RBFOX1: variants seen among roughly 807,000 people sequenced by gnomAD.
RBFOX1 encodes RNA binding fox-1 homolog 1.
Under a neutral mutation model 57.7 loss-of-function variants are expected in RBFOX1, and 8 were observed. That is an observed-to-expected ratio of 0.14 (90% CI 0.08 to 0.25). RBFOX1 has a LOEUF of 0.25. Ranked by LOEUF, RBFOX1 falls within the 10% of genes least tolerant of loss-of-function variation. The pLI is 1.00. For synonymous variants in RBFOX1, 326 were observed against 222.4 expected (o/e 1.47, Z -4.15); for missense variants, 611 against 548.5 (o/e 1.11, Z -1.14).
rs541919787 is a variant in RBFOX1 at position 6,517,546 on chromosome 16, A to T, written c.-63-137057A>T. Among the ~76,000 whole-genome samples the T allele has an allele frequency of 7.2e-5, 11 of 152,122 alleles. No homozygotes were observed. The East Asian group carries it at 2.1e-3, about 30-fold the overall frequency. On this transcript the variant is annotated intron_variant, in intron 2 of 15. Coordinates refer to ENST00000550418, the MANE Select transcript of RBFOX1 (RefSeq NM_018723.4). ...ACCTACACTGCCGAAGTGGGAGAGGATGTGAGGATTTATATTCAAGGAGAA... is the reference window on the plus strand; with the variant it reads ...ACCTACACTGCCGAAGTGGGAGAGGTTGTGAGGATTTATATTCAAGGAGAA...
In RBFOX1 at chr16:5,595,203, G is replaced by A. The variant is rs980515834; in HGVS notation, c.259-3699G>A. Among the ~76,000 whole-genome samples the A allele has an allele frequency of 5.3e-5, 8 of 152,116 alleles. No homozygotes were observed. In the East Asian group the frequency reaches 5.8e-4, roughly 11 times the overall value. On this transcript the variant is annotated intron_variant, in intron 2 of 2. Coordinates refer to the RBFOX1 transcript ENST00000585867. ...ACATTTCCAAACAGGAAAAGACCCT[G>A]TAAAGGCAGTTGTTATGCAAAGAAT...
intron 2 of RBFOX1, among the ~76,000 whole-genome samples, chr16:6,368,726 C>T (rs1000093437): frequency 1.3e-5 from 2 of 152,146 alleles, no homozygotes; most frequent in African/African-American, 2.4e-5. Context: ...TCATATGTAC[C>T]AGTCCATGTT....
chr16:5,402,755 C>G (rs987656604), intron 1 of RBFOX1, among the ~76,000 whole-genome samples: 10 of 152,158 alleles, frequency 6.6e-5, no homozygotes, highest in African/African-American at 2.2e-4. Context: ...AATCTCAGCC[C>G]TTTAGAATCA....
intron 14 of RBFOX1, among the ~76,000 whole-genome samples, chr16:7,679,843 A>T (rs1568424104): frequency 6.6e-6 from 1 of 152,120 alleles, no homozygotes; most frequent in Non-Finnish European, 1.5e-5. Context: ...GATTTCCCCA[A>T]AAGAAAAATA....
At chr16:6,026,228 A>G (rs928540989) in intron 1 of RBFOX1, among the ~76,000 whole-genome samples, 1 of 152,244 alleles carries the variant, frequency 6.6e-6, no homozygotes, top group African/African-American at 2.4e-5. Context: ...CAGGTGGACC[A>G]TGCATACACC....
At chr16:6,358,938 G>A (rs1417841704) in intron 2 of RBFOX1, among the ~76,000 whole-genome samples, 1 of 152,190 alleles carries the variant, frequency 6.6e-6, no homozygotes, top group African/African-American at 2.4e-5. Flanking sequence ...TGAGATTCTG[G>A]CATCTGTTTT....
intron 14 of RBFOX1, among the ~76,000 whole-genome samples, chr16:7,682,455 A>C (rs1367552132): frequency 6.6e-6 from 1 of 150,764 alleles, no homozygotes; most frequent in Admixed American, 6.7e-5. Flanking sequence ...GTTTGAGTCT[A>C]GGCTGTGGAA....
intron 3 of RBFOX1, among the ~76,000 whole-genome samples, chr16:6,916,999 G>C (rs1468770230): frequency 6.6e-6 from 1 of 151,992 alleles, no homozygotes; most frequent in African/African-American, 2.4e-5. Flanking sequence ...ACACATGCAT[G>C]CCATCACATC....
intron 2 of RBFOX1, among the ~76,000 whole-genome samples, chr16:6,621,961 G>C (rs147215570): frequency 1.1e-4 from 17 of 152,198 alleles, no homozygotes; most frequent in African/African-American, 4.1e-4. Flanking sequence ...GTTACACAAA[G>C]GTGCTACATA....
chr16:6,574,115 G>A (rs780915659), intron 2 of RBFOX1, among the ~76,000 whole-genome samples: 1 of 152,166 alleles, frequency 6.6e-6, no homozygotes, highest in African/African-American at 2.4e-5. Flanking sequence ...AAACACTTGA[G>A]CTGCACACTC....
At chr16:6,525,025 G>A (rs536655840) in intron 2 of RBFOX1, among the ~76,000 whole-genome samples, 1 of 152,260 alleles carries the variant, frequency 6.6e-6, no homozygotes, top group South Asian at 2.1e-4. Context: ...TTAGTACAGA[G>A]ATCTTCATGT....
At chr16:7,039,140 T>C (rs1212815653) in intron 3 of RBFOX1, among the ~76,000 whole-genome samples, 2 of 152,370 alleles carry the variant, frequency 1.3e-5, no homozygotes, top group East Asian at 1.9e-4. Flanking sequence ...TTTGAGATTT[T>C]AGGATATGCT....
In RBFOX1 at chr16:6,619,328, A is replaced by G. The variant is rs115207044; in HGVS notation, c.-63-35275A>G. 4.4e-3 allele frequency among the ~76,000 whole-genome samples: 671 copies of G among 152,284 alleles called. 6 individuals are homozygous for G. The highest frequency in any genetic ancestry group is 0.016 in the African/African-American group (654 of 41,560). ...ACTCTCGTTTGCATATCTTGGTACA[A>G]GGGAAAACATTCAGTCCAGTATGAC... is the stretch of plus-strand genomic sequence containing the variant. On this transcript the variant is annotated intron_variant, in intron 2 of 15. Transcript: ENST00000550418.
At chr16:5,560,002 G>GA (rs2045834067) in intron 2 of RBFOX1, among the ~76,000 whole-genome samples, 1 of 152,142 alleles carries the variant, frequency 6.6e-6, no homozygotes, top group Non-Finnish European at 1.5e-5. Flanking sequence ...TAACCAGCAT[G>GA]AAAAACGAGT....
At chr16:7,019,681 C>T (rs1173966706) in intron 3 of RBFOX1, among the ~76,000 whole-genome samples, 1 of 151,994 alleles carries the variant, frequency 6.6e-6, no homozygotes, top group East Asian at 1.9e-4. Flanking sequence ...TGACTTGGAC[C>T]AGAAAAAAAG....
rs531421068 is a variant in RBFOX1 at position 7,558,121 on chromosome 16, G to A, written c.271-21656G>A. ...TGTAATTCCAGCACTTTGGGGGGCCGAGGTGGTAGATCACTGGAACCCAGG... is the reference window on the plus strand; with the variant it reads ...TGTAATTCCAGCACTTTGGGGGGCCAAGGTGGTAGATCACTGGAACCCAGG... On this transcript the variant is annotated intron_variant, in intron 5 of 15. Transcript: ENST00000550418. 9.9e-5 allele frequency among the ~76,000 whole-genome samples: 15 copies of A among 152,198 alleles called. No homozygotes were observed. In the East Asian group the frequency reaches 2.1e-3, roughly 22 times the overall value.
At chr16:6,757,503 G>A (rs2075986729) in intron 3 of RBFOX1, among the ~76,000 whole-genome samples, 1 of 152,174 alleles carries the variant, frequency 6.6e-6, no homozygotes, top group South Asian at 2.1e-4. Context: ...CAACATGGAT[G>A]GAACTGGAGG....
At chr16:7,129,013 G>A (rs2069435547) in intron 4 of RBFOX1, among the ~76,000 whole-genome samples, 1 of 151,786 alleles carries the variant, frequency 6.6e-6, no homozygotes, top group Non-Finnish European at 1.5e-5. Context: ...TAGAGATGAG[G>A]TTTCACCATG....
chr16:7,482,542 ATTTTTTTT>A (rs1178577326), intron 4 of RBFOX1, among the ~76,000 whole-genome samples: 4 of 77,186 alleles, frequency 5.2e-5, no homozygotes, highest in South Asian at 5.4e-4. Context: ...ATTGCCTGGG[ATTTTTTTT>A]TTTTTTTTTT....
Sources: allele counts gnomAD v4.1 joint callset (sites outside exome capture counted in the v4.1 genomes callset), GRCh38; gene constraint gnomAD v4.1.1; transcripts MANE v1.5; gene names NCBI Gene and HGNC (gene_info 2026-07-23, HGNC 2026-07-21).